FGR: variants seen among roughly 807,000 people sequenced by gnomAD.
FGR encodes the protein FGR proto-oncogene, Src family tyrosine kinase.
Under a neutral mutation model 63.2 loss-of-function variants are expected in FGR, and 26 were observed. The ratio of observed to expected loss-of-function variants is 0.41; its 90% CI spans 0.30 to 0.57. The LOEUF (loss-of-function observed/expected upper bound fraction) is 0.57. FGR is among the 20% of genes least tolerant of loss of function. The pLI, the probability that FGR is intolerant of heterozygous loss-of-function variation, is 0.27. For synonymous variants in FGR, 286 were observed against 277.7 expected, an observed-to-expected ratio of 1.03 and a Z score of -0.30; for missense variants, 511 against 690.8, an observed-to-expected ratio of 0.74 and a Z score of 2.92.
At chr1:27,634,491 CA>C in intron 1 of FGR, among the ~76,000 whole-genome samples, 1 of 152,344 alleles carries the variant, frequency 6.6e-6, no homozygotes, top group East Asian at 1.9e-4. Context: ...CTGTGGGCTT[CA>C]CCCCGACTTC....
intron 1 of FGR, among the ~76,000 whole-genome samples, chr1:27,633,953 C>CCCTGT (rs1456317154): frequency 4.6e-5 from 7 of 152,198 alleles, no homozygotes; most frequent in African/African-American, 1.7e-4. Flanking sequence ...CCCAGAGAAG[C>CCCTGT]CCTGTAACTT....
chr1:27,618,146 G>A (rs1424985052), intron 5 of FGR, among the ~76,000 whole-genome samples: 1 of 152,156 alleles, frequency 6.6e-6, no homozygotes, highest in Non-Finnish European at 1.5e-5. Flanking sequence ...GCACAGTTCA[G>A]GAAACAGGGG....
chr1:27,613,594 T>C (rs1248541059), intron 11 of FGR, among the ~76,000 whole-genome samples: 2 of 148,966 alleles, frequency 1.3e-5, no homozygotes, highest in African/African-American at 5.0e-5. Context: ...TCCCAGCTAC[T>C]AGGGAGGCTG....
rs146934640 is a variant in FGR at position 27,628,129 on chromosome 1, C to G, written c.-76-2978G>C. On this transcript the variant is annotated intron_variant, in intron 1 of 12. Transcript: ENST00000374005. ...ATTGGCCAGGCACGGTGGCTTACGC[C>G]TGTCACTGCACTCCAGCCTGAGTGA... is the stretch of plus-strand genomic sequence containing the variant. 6.9e-3 allele frequency among the ~76,000 whole-genome samples: 1,043 copies of G among 150,390 alleles called. 10 individuals carry two copies. Among genetic ancestry groups the G allele is most frequent in the African/African-American group, 0.024 (981 of 40,764 alleles).
Position 27,617,098 on chromosome 1 carries a change from C to G in FGR, c.533-92G>C, listed in dbSNP as rs1571384379. ...GACAGCAGCATCCCTAGGACCTGGT[C>G]CCAGTCTTGGCCTTAACCCAAGCAG... On this transcript the variant is annotated intron_variant, in intron 6 of 12. Transcript: ENST00000374005. This position sits in a 1 kb window ranked among gnomAD's most constrained non-coding sequence, Gnocchi z 4.5. The G allele has an allele frequency of 6.3e-6, 10 of 1,599,778 alleles. No homozygotes were observed. In the East Asian group the frequency reaches 2.2e-4, roughly 36 times the overall value.
At chr1:27,620,946 C>T (rs1433248539) in intron 5 of FGR, among the ~76,000 whole-genome samples, 2 of 120,246 alleles carry the variant, frequency 1.7e-5, no homozygotes, top group African/African-American at 6.5e-5. Context: ...GAGATTGTGC[C>T]ACTACACTAC....
At chr1:27,619,424 CAT>C (rs1392729252) in intron 5 of FGR, among the ~76,000 whole-genome samples, 1 of 152,202 alleles carries the variant, frequency 6.6e-6, no homozygotes, top group Non-Finnish European at 1.5e-5. Flanking sequence ...CTCCTGACCT[CAT>C]GTGATCCGCC....
At chr1:27,630,361 A>C (rs1006731508) in intron 1 of FGR, among the ~76,000 whole-genome samples, 1 of 151,906 alleles carries the variant, frequency 6.6e-6, no homozygotes, top group East Asian at 1.9e-4. Flanking sequence ...CCTTTTTTGC[A>C]ATTTTTTAAA....
At chr1:27,627,273 T>A (rs949136407) in intron 1 of FGR, among the ~76,000 whole-genome samples, 5 of 151,960 alleles carry the variant, frequency 3.3e-5, no homozygotes, top group African/African-American at 1.2e-4. Flanking sequence ...GATACCCAGA[T>A]CCACACAGCC....
At chr1:27,613,374 A>C (rs2089732874) in intron 11 of FGR, 24 bp from the exon 12 acceptor site, 2 of 1,611,564 alleles carry the variant, frequency 1.2e-6, no homozygotes, top group Admixed American at 1.7e-5. Context: ...GGGAGCAGGG[A>C]AAGTTAGTGA....
chr1:27,614,460 T>C lies in FGR; in HGVS notation c.1219A>G (p.Ile407Val). The change falls in exon 11 of 13, where the codon ATC becomes GTC. Residue 407 changes from isoleucine (I) to valine (V), a missense_variant. Coordinates refer to ENST00000374005, the MANE Select transcript of FGR (RefSeq NM_005248.3). The stretch of plus-strand genomic sequence containing the variant: ...CAGGGGTTGTACTCATCGTCCTTGA[T>C]GAGACGCGCCAAGCCAAAGTCTGCG... ...KIADFGLARL[I>V]KDDEYNPCQG... 3 of 1,613,520 alleles carry C rather than the reference T, an allele frequency of 1.9e-6. No homozygotes were observed. Among genetic ancestry groups the C allele is most frequent in the Non-Finnish European group, 2.5e-6 (3 of 1,179,712 alleles).
intron 5 of FGR, among the ~76,000 whole-genome samples, chr1:27,620,606 G>T (rs780066503): frequency 6.6e-6 from 1 of 151,892 alleles, no homozygotes; most frequent in Non-Finnish European, 1.5e-5. Context: ...ATCAGAGCAC[G>T]CCCCTGTCTC....
In FGR at chr1:27,617,059, G is replaced by T; in HGVS notation, c.533-53C>A. 1.2e-6 allele frequency: 2 copies of T among 1,610,046 alleles called. No homozygotes were observed. Among genetic ancestry groups the T allele is most frequent in the Non-Finnish European group, 1.7e-6 (2 of 1,177,290 alleles). Reference sequence around the variant, plus strand: ...TGTTCTCCTCTGCCCTAGTCTGGGAGCTGGGAGAGGCCCGACAGCAGCATC... The same window carrying T: ...TGTTCTCCTCTGCCCTAGTCTGGGATCTGGGAGAGGCCCGACAGCAGCATC... On this transcript the variant is annotated intron_variant, in intron 6 of 12. Coordinates refer to ENST00000374005, the MANE Select transcript of FGR (RefSeq NM_005248.3). This position sits in a 1 kb window ranked among gnomAD's most constrained non-coding sequence, Gnocchi z 4.5.
intron 5 of FGR, 69 bp downstream of exon 5, chr1:27,621,490 G>C: frequency 9.2e-7 from 1 of 1,084,254 alleles, no homozygotes; most frequent in African/African-American, 1.5e-5. Flanking sequence ...ACTTGTCCAA[G>C]AGGTGGCCTT....
chr1:27,623,848 C>T lies in FGR; in HGVS notation c.69G>A (p.Gly23=), dbSNP rs760917902. 11 of 1,613,204 alleles carry T rather than the reference C, an allele frequency of 6.8e-6. No individual in the cohort carries two copies. In the African/African-American group the frequency reaches 1.5e-4, roughly 22 times the overall value. The change falls in exon 3 of 13, where the codon GGG becomes GGA. Residue 23 remains glycine, a synonymous_variant. Transcript: ENST00000374005. ...CTGCTGCCCCGTAGCTTCTGAAGTC[C>T]CCTTCCAGGCCAGCATCCTCCTTGG... ...ATAKEDAGLE[G]DFRSYGAADH...
intron 1 of FGR, among the ~76,000 whole-genome samples, chr1:27,631,469 A>G (rs553577229): frequency 2.0e-5 from 3 of 152,330 alleles, no homozygotes; most frequent in Admixed American, 6.5e-5. Flanking sequence ...TGGGATCTAG[A>G]GGCAGATTTA....
chr1:27,615,602 C>G lies in FGR; in HGVS notation c.850G>C (p.Gly284Arg), dbSNP rs2089792144. The G allele has an allele frequency of 1.9e-6, 3 of 1,609,168 alleles. No individual in the cohort carries two copies. Among genetic ancestry groups the G allele is most frequent in the African/African-American group, 1.3e-5 (1 of 74,938 alleles). The change falls in exon 9 of 13, where the codon GGC becomes CGC. Residue 284 changes from glycine to arginine, a missense_variant. Physicochemically the swap from Gly to Arg is moderately radical, Grantham distance 125. Coordinates refer to ENST00000374005, the MANE Select transcript of FGR (RefSeq NM_005248.3). The surrounding 1 kb of genome is among the most constrained non-coding windows in gnomAD (Gnocchi z 7.6). ...FGDVWLGTWN[G>R]STKVAVKTLK... Reference sequence around the variant, plus strand: ...GTCTTCACCGCCACCTTAGTGCTGCCGTTCCACGTGCCTGCTCGGAGGCTG... The same window carrying G: ...GTCTTCACCGCCACCTTAGTGCTGCGGTTCCACGTGCCTGCTCGGAGGCTG...
chr1:27,614,422 C>T lies in FGR; in HGVS notation c.1249+8G>A. ...GGAGCTCTTGGAAGGTGGGGTGAAG[C>T]AGGGCACCTTGGCAGGGGTTGTACT... On this transcript the variant is annotated splice_region_variant and intron_variant, in intron 11 of 12. Coordinates refer to ENST00000374005, the MANE Select transcript of FGR (RefSeq NM_005248.3). 1 of 1,609,092 alleles carries T rather than the reference C, an allele frequency of 6.2e-7. No individual in the cohort carries two copies. The highest frequency in any genetic ancestry group is 8.5e-7 in the Non-Finnish European group (1 of 1,176,726).
At chr1:27,619,695 G>A (rs747629037) in intron 5 of FGR, among the ~76,000 whole-genome samples, 1 of 152,208 alleles carries the variant, frequency 6.6e-6, no homozygotes, top group East Asian at 1.9e-4. Context: ...CAACCTAATC[G>A]AATTGCTGGC....
Sources: gnomAD v4.1 joint callset for allele counts (sites outside exome capture counted in the v4.1 genomes callset) on GRCh38, gnomAD v4.1.1 for gene constraint, Gnocchi (gnomAD v3.1) non-coding constraint, MANE v1.5 for transcripts, NCBI Gene and HGNC (gene_info 2026-07-23, HGNC 2026-07-21) for gene names.